The following GRID1 variants were observed in gnomAD, a reference collection of about 807,000 sequenced individuals.
GRID1 encodes glutamate receptor ionotropic, delta-1.
Under a neutral mutation model 98.0 loss-of-function variants are expected in GRID1, and 28 were observed. The ratio of observed to expected loss-of-function variants is 0.29; its 90% CI spans 0.21 to 0.39. GRID1 has a LOEUF of 0.39. GRID1 is among the 10% of genes least tolerant of loss of function. The pLI is 1.00. For synonymous variants in GRID1, 553 were observed against 538.5 expected, an observed-to-expected ratio of 1.03 and a Z score of -0.37; for missense variants, 1,111 against 1,340.5, an observed-to-expected ratio of 0.83 and a Z score of 2.67.
At chr10:86,114,073 C>T (rs1564678893) in intron 4 of GRID1, among the ~76,000 whole-genome samples, 1 of 152,070 alleles carries the variant, frequency 6.6e-6, no homozygotes, top group Non-Finnish European at 1.5e-5. Context: ...TTTCCTCCAT[C>T]TCGGTGGGAT....
chr10:86,363,362 G>T (rs1184911492), intron 2 of GRID1, among the ~76,000 whole-genome samples: 4 of 152,140 alleles, frequency 2.6e-5, no homozygotes, highest in African/African-American at 9.6e-5. Context: ...CGCGGACAGC[G>T]AGAGAGAAAC....
chr10:86,142,483 CT>C (rs1845024431), intron 3 of GRID1, among the ~76,000 whole-genome samples: 1 of 152,270 alleles, frequency 6.6e-6, no homozygotes, highest in South Asian at 2.1e-4. Flanking sequence ...TTCTGCAGCC[CT>C]GCCTCTTCCT....
At chr10:85,855,973 G>A in intron 7 of GRID1, 56 bp downstream of exon 7, 2 of 1,512,270 alleles carry the variant, frequency 1.3e-6, no homozygotes, top group South Asian at 1.2e-5. Flanking sequence ...GAACACAGTG[G>A]AGGTATAAGA....
chr10:85,891,868 A>G (rs1841205715), intron 5 of GRID1, among the ~76,000 whole-genome samples: 1 of 152,146 alleles, frequency 6.6e-6, no homozygotes, highest in Non-Finnish European at 1.5e-5. Flanking sequence ...AATACAATCC[A>G]TAATGAGGAT....
chr10:85,735,448 A>T (rs1306652172), intron 8 of GRID1, among the ~76,000 whole-genome samples: 2 of 152,176 alleles, frequency 1.3e-5, no homozygotes, highest in Non-Finnish European at 2.9e-5. Context: ...CCAATTGGAG[A>T]ATATATTTCA....
chr10:86,044,526 C>G (rs559339269), intron 4 of GRID1, among the ~76,000 whole-genome samples: 5 of 152,328 alleles, frequency 3.3e-5, no homozygotes, highest in South Asian at 4.1e-4. Context: ...TGCATGTCCA[C>G]CGAGGGTGAA....
intron 5 of GRID1, among the ~76,000 whole-genome samples, chr10:85,884,991 C>T (rs1485349538): frequency 1.3e-5 from 2 of 152,098 alleles, no homozygotes; most frequent in Admixed American, 6.5e-5. Context: ...CTTTTATTGC[C>T]TTATACCATA....
Position 86,366,302 on chromosome 10 carries a change from A to G in GRID1, c.79+12T>C, listed in dbSNP as rs1313847218. On this transcript the variant is annotated intron_variant, in intron 1 of 15. Coordinates refer to ENST00000327946, the MANE Select transcript of GRID1 (RefSeq NM_017551.3). This position sits in a 1 kb window ranked among gnomAD's most constrained non-coding sequence, Gnocchi z 4.1. ...CCCGCCCAGCCTCGGCCCGGCCTCCAGCCGCGCTTACCGATGTGGATGATG... is the reference window on the plus strand; with the variant it reads ...CCCGCCCAGCCTCGGCCCGGCCTCCGGCCGCGCTTACCGATGTGGATGATG... 7 of 1,485,306 alleles carry G rather than the reference A, an allele frequency of 4.7e-6. No homozygotes were observed. Among genetic ancestry groups the G allele is most frequent in the Non-Finnish European group, 5.4e-6 (6 of 1,113,874 alleles). The allele number at this position is 1,485,306 out of a possible 1,614,324, so 92.0% of individuals were successfully genotyped here.
At chr10:86,150,688 C>T (rs533253883) in intron 3 of GRID1, among the ~76,000 whole-genome samples, 35 of 152,286 alleles carry the variant, frequency 2.3e-4, no homozygotes, top group Admixed American at 4.6e-4. Flanking sequence ...AAATCCTAAC[C>T]CTCAAGGTGA....
chr10:86,157,547 G>T (rs1024265965), intron 3 of GRID1, among the ~76,000 whole-genome samples: 16 of 152,136 alleles, frequency 1.1e-4, no homozygotes, highest in Admixed American at 9.8e-4. Context: ...ATGTAAAGAA[G>T]GGCTTGTATG....
chr10:86,052,382 T>C (rs1289652999), intron 4 of GRID1: 1 of 152,182 alleles, frequency 6.6e-6, no homozygotes, highest in East Asian at 1.9e-4. Flanking sequence ...TTTTACACTG[T>C]TAATTTTTGA....
chr10:85,854,408 T>C (rs984450935), intron 8 of GRID1, 88 bp downstream of exon 8: 8 of 1,201,010 alleles, frequency 6.7e-6, no homozygotes, highest in Non-Finnish European at 9.8e-6. Context: ...TAGTTAACAG[T>C]TGCTGGGAGC....
rs142693435 is a variant in GRID1, at chr10:86,313,931, G to T, written c.235+50010C>A. 2.9e-3 allele frequency among the ~76,000 whole-genome samples: 436 copies of T among 152,176 alleles called. 4 individuals are homozygous for T. The highest frequency in any genetic ancestry group is 0.01 in the African/African-American group (418 of 41,494). ...TTTCTTGCAAACAATTTTCCCCTTC[G>T]CAATCTCATAAATTAATTCCCTCCT... On this transcript the variant is annotated intron_variant, in intron 2 of 15. Transcript: ENST00000327946.
At chr10:86,145,528 C>T (rs1301729497) in intron 3 of GRID1, among the ~76,000 whole-genome samples, 1 of 110,454 alleles carries the variant, frequency 9.1e-6, no homozygotes, top group African/African-American at 5.0e-5. Flanking sequence ...TCTTTGCCCA[C>T]TCCTGGACAT....
chr10:85,934,426 AC>A (rs1841899383), intron 4 of GRID1, among the ~76,000 whole-genome samples: 1 of 136,626 alleles, frequency 7.3e-6, no homozygotes, highest in African/African-American at 3.2e-5. Context: ...ACACACACAC[AC>A]ACACACACAC....
At chr10:86,040,227 G>A (rs1271283005) in intron 4 of GRID1, among the ~76,000 whole-genome samples, 2 of 152,210 alleles carry the variant, frequency 1.3e-5, no homozygotes, top group African/African-American at 4.8e-5. Context: ...GTATGACCCA[G>A]CAATCCAACT....
At chr10:85,614,951 A>T (rs1373340280) in intron 14 of GRID1, among the ~76,000 whole-genome samples, 3 of 152,308 alleles carry the variant, frequency 2.0e-5, no homozygotes, top group African/African-American at 4.8e-5. Context: ...AGCCTGATCC[A>T]TGGTGATATT....
chr10:85,892,360 A>C (rs1005585003), intron 5 of GRID1, among the ~76,000 whole-genome samples: 1 of 151,900 alleles, frequency 6.6e-6, no homozygotes, highest in Non-Finnish European at 1.5e-5. Flanking sequence ...AATAATTGCC[A>C]AAAAGTTTCC....
At chr10:86,051,798 A>T (rs1315148156) in intron 4 of GRID1, among the ~76,000 whole-genome samples, 1 of 152,262 alleles carries the variant, frequency 6.6e-6, no homozygotes, top group Non-Finnish European at 1.5e-5. Context: ...TTCTGTTGAT[A>T]AAACTATGGA....
Sources: allele counts gnomAD v4.1 joint callset (sites outside exome capture counted in the v4.1 genomes callset), GRCh38; gene constraint gnomAD v4.1.1; non-coding constraint Gnocchi (gnomAD v3.1); transcripts MANE v1.5; gene names NCBI Gene and HGNC (gene_info 2026-07-23, HGNC 2026-07-21).